PCDHGA10: variants seen among roughly 807,000 people sequenced by gnomAD.
PCDHGA10 encodes the protein protocadherin gamma-A10.
A neutral mutation model predicts 59.5 loss-of-function variants in PCDHGA10; 42 were observed. That is an observed-to-expected ratio of 0.71 (90% CI 0.55 to 0.91). The LOEUF (loss-of-function observed/expected upper bound fraction) is 0.91, where lower values mean the gene tolerates loss of function less well. Ranked by LOEUF, PCDHGA10 falls within the 40% of genes least tolerant of loss-of-function variation. The pLI is 0.00. For missense variants in PCDHGA10, 1,111 were observed against 1,198.2 expected, an observed-to-expected ratio of 0.93 and a Z score of 1.07; for synonymous variants, 511 against 517.2, an observed-to-expected ratio of 0.99 and a Z score of 0.16.
rs1001555249 is a variant in PCDHGA10, at chr5:141,486,728, G to A, written c.2437-8079G>A. The A allele has an allele frequency of 1.2e-6, 2 of 1,614,200 alleles. No homozygotes were observed. The highest frequency in any genetic ancestry group is 1.7e-6 in the Non-Finnish European group (2 of 1,180,052). On this transcript the variant is annotated intron_variant, in intron 1 of 3. Transcript: ENST00000398610. This position sits in a 1 kb window ranked among gnomAD's most constrained non-coding sequence, Gnocchi z 5.0. Reference sequence around the variant, plus strand: ...GAACCCCCAGACAGGAGCTGTTCATGCTACTCGATCCTTTGACTATGAGCA... The same window carrying A: ...GAACCCCCAGACAGGAGCTGTTCATACTACTCGATCCTTTGACTATGAGCA...
At chr5:141,430,918 G>T (rs766412276) in intron 1 of PCDHGA10, 2 of 1,607,866 alleles carry the variant, frequency 1.2e-6, no homozygotes, top group South Asian at 2.2e-5. Context: ...GGGACCTGGG[G>T]CTGGAGCCCC....
chr5:141,492,557 G>A (rs2154587614), intron 1 of PCDHGA10, among the ~76,000 whole-genome samples: 1 of 152,350 alleles, frequency 6.6e-6, no homozygotes, highest in East Asian at 1.9e-4. Flanking sequence ...TCGCCTGGGG[G>A]GCGGCCTGAG....
intron 1 of PCDHGA10, among the ~76,000 whole-genome samples, chr5:141,451,329 A>G (rs991467686): frequency 2.6e-5 from 4 of 152,196 alleles, no homozygotes; most frequent in African/African-American, 9.6e-5. Context: ...ACCTAAGGCT[A>G]TTGTCTTATC....
At position 141,432,781 on chromosome 5, in the gene PCDHGA10, C is replaced by T. The variant is rs761954375; in HGVS notation, c.2436+17170C>T. On this transcript the variant is annotated intron_variant, in intron 1 of 3. Coordinates refer to ENST00000398610, the MANE Select transcript of PCDHGA10 (RefSeq NM_018913.3). This position sits in a 1 kb window ranked among gnomAD's most constrained non-coding sequence, Gnocchi z 6.0. ...ACAGCATCCCCCAAGTCCTGGCGGA[C>T]CTCGGCAGCCTCGAGTCTCCAGCTA... The T allele has an allele frequency of 3.1e-6, 5 of 1,614,064 alleles. No homozygotes were observed. The Admixed American group carries it at 8.3e-5, about 27-fold the overall frequency.
Position 141,431,605 on chromosome 5 carries a change from G to A in PCDHGA10, c.2436+15994G>A. ...ATGCGGAAGTGAGGTATTCCTTCCGGTATGTGGACGACAAGGCGGCCCAAG... is the reference window on the plus strand; with the variant it reads ...ATGCGGAAGTGAGGTATTCCTTCCGATATGTGGACGACAAGGCGGCCCAAG... On this transcript the variant is annotated intron_variant, in intron 1 of 3. Transcript: ENST00000398610. This position sits in a 1 kb window ranked among gnomAD's most constrained non-coding sequence, Gnocchi z 4.8. 2 of 1,614,236 alleles carry A rather than the reference G, an allele frequency of 1.2e-6. No individual in the cohort carries two copies. The highest frequency in any genetic ancestry group is 1.7e-6 in the Non-Finnish European group (2 of 1,180,044).
intron 1 of PCDHGA10, chr5:141,427,590 C>A: frequency 1.5e-6 from 1 of 679,008 alleles, no homozygotes; most frequent in Non-Finnish European, 2.7e-6. Flanking sequence ...CAGCACAAGC[C>A]TCACCCTACG....
intron 2 of PCDHGA10, among the ~76,000 whole-genome samples, chr5:141,496,592 T>G (rs948403662): frequency 6.6e-6 from 1 of 152,136 alleles, no homozygotes; most frequent in African/African-American, 2.4e-5. Context: ...GCAAAGCGCT[T>G]CTTAGAAGGC....
At chr5:141,461,893 G>A (rs2099025951) in intron 1 of PCDHGA10, among the ~76,000 whole-genome samples, 1 of 151,772 alleles carries the variant, frequency 6.6e-6, no homozygotes, top group African/African-American at 2.4e-5. Context: ...GCACGATCTC[G>A]GCTCACTGCA....
chr5:141,481,689 C>T (rs1198127143), intron 1 of PCDHGA10, among the ~76,000 whole-genome samples: 1 of 152,102 alleles, frequency 6.6e-6, no homozygotes, highest in Non-Finnish European at 1.5e-5. Context: ...CCTGGTGGCT[C>T]ACGCCTGTAA....
At chr5:141,504,570 AC>A (rs1468526948) in intron 2 of PCDHGA10, among the ~76,000 whole-genome samples, 1 of 148,874 alleles carries the variant, frequency 6.7e-6, no homozygotes, top group Admixed American at 6.9e-5. Flanking sequence ...ATTCTAGGGA[AC>A]ACCATCTGCC....
At chr5:141,492,168 A>C (rs1426223836) in intron 1 of PCDHGA10, among the ~76,000 whole-genome samples, 1 of 152,108 alleles carries the variant, frequency 6.6e-6, no homozygotes, top group African/African-American at 2.4e-5. Context: ...CTATCCCCGC[A>C]TCACCCAACC....
Position 141,474,743 on chromosome 5 carries a change from T to A in PCDHGA10, c.2437-20064T>A, listed in dbSNP as rs113053006. Among the ~76,000 whole-genome samples the A allele has an allele frequency of 4.0e-3, 610 of 152,354 alleles. 8 individuals carry two copies. The highest frequency in any genetic ancestry group is 0.014 in the African/African-American group (593 of 41,580). On this transcript the variant is annotated intron_variant, in intron 1 of 3. Transcript: ENST00000398610. ...AGGACTCTATGCAATCAAAGTGATG[T>A]CCAAGACAAATATACAGAAATAGTA...
At position 141,431,823 on chromosome 5, in the gene PCDHGA10, CG is replaced by C. The variant is rs754257436; in HGVS notation, c.2436+16214del. ...GTGGTCCTCACCTCTCTCGCCAGCTCGGTTCCCGAAAACTCTCCCAGAGGGA... is the reference window on the plus strand; with the variant it reads ...GTGGTCCTCACCTCTCTCGCCAGCTCGTTCCCGAAAACTCTCCCAGAGGGA... On this transcript the variant is annotated intron_variant, in intron 1 of 3. Transcript: ENST00000398610. The surrounding 1 kb of genome is among the most constrained non-coding windows in gnomAD (Gnocchi z 4.8). 2.5e-6 allele frequency: 4 copies of C among 1,614,142 alleles called. No homozygotes were observed. In the East Asian group the frequency reaches 8.9e-5, roughly 36 times the overall value.
At chr5:141,451,170 A>G (rs960062747) in intron 1 of PCDHGA10, among the ~76,000 whole-genome samples, 8 of 152,148 alleles carry the variant, frequency 5.3e-5, no homozygotes, top group East Asian at 3.9e-4. Flanking sequence ...GTAGTATATT[A>G]TTTAGCCATT....
Position 141,493,775 on chromosome 5 carries a change from G to A in PCDHGA10, c.2437-1032G>A, listed in dbSNP as rs1434978072. ...CCTTGAGTGAGCCACTGGCAGTTCCGGAGCTTCCTTCTCCCTGGAGTAATC... is the reference window on the plus strand; with the variant it reads ...CCTTGAGTGAGCCACTGGCAGTTCCAGAGCTTCCTTCTCCCTGGAGTAATC... On this transcript the variant is annotated intron_variant, in intron 1 of 3. Coordinates refer to ENST00000398610, the MANE Select transcript of PCDHGA10 (RefSeq NM_018913.3). The surrounding 1 kb of genome is among the most constrained non-coding windows in gnomAD (Gnocchi z 4.3). Among the ~76,000 whole-genome samples, 1 of 152,094 alleles carries A rather than the reference G, an allele frequency of 6.6e-6. No individual in the cohort carries two copies. The highest frequency in any genetic ancestry group is 6.5e-5 in the Admixed American group (1 of 15,272).
At chr5:141,457,537 T>A (rs967428207) in intron 1 of PCDHGA10, among the ~76,000 whole-genome samples, 2 of 152,228 alleles carry the variant, frequency 1.3e-5, no homozygotes, top group Admixed American at 6.5e-5. Flanking sequence ...TAGGGTTTAA[T>A]GACAAATGTA....
chr5:141,421,741 C>A lies in PCDHGA10; in HGVS notation c.2436+6130C>A. 3 of 1,613,902 alleles carry A rather than the reference C, an allele frequency of 1.9e-6. No individual in the cohort carries two copies. The South Asian group carries it at 3.3e-5, about 18-fold the overall frequency. ...GGGCGTGAACTCCCTCCAGAGCTAC[C>A]AGCTCAGCCCTAATAATTACTTTTC... On this transcript the variant is annotated intron_variant, in intron 1 of 3. Transcript: ENST00000398610.
chr5:141,415,959 C>T, intron 1 of PCDHGA10: 3 of 443,810 alleles, frequency 6.8e-6, no homozygotes, highest in Non-Finnish European at 1.1e-5. Context: ...CATATTGAAA[C>T]TCCAGCCCCT....
At chr5:141,447,719 C>T (rs1333017511) in intron 1 of PCDHGA10, among the ~76,000 whole-genome samples, 2 of 152,226 alleles carry the variant, frequency 1.3e-5, no homozygotes, top group East Asian at 3.9e-4. Context: ...TACACATTTT[C>T]CAAAACTCAT....
Sources: gnomAD v4.1 joint callset for allele counts (sites outside exome capture counted in the v4.1 genomes callset) on GRCh38, gnomAD v4.1.1 for gene constraint, Gnocchi (gnomAD v3.1) non-coding constraint, MANE v1.5 for transcripts, NCBI Gene and HGNC (gene_info 2026-07-23, HGNC 2026-07-21) for gene names.